KCNT2: variants seen among roughly 807,000 people sequenced by gnomAD.
KCNT2 encodes potassium sodium-activated channel subfamily T member 2, also known as potassium channel subfamily T member 2.
Under a neutral mutation model 153.8 loss-of-function variants are expected in KCNT2, and 67 were observed. The ratio of observed to expected loss-of-function variants is 0.44; its 90% CI spans 0.36 to 0.53. KCNT2 has a LOEUF of 0.53. KCNT2 is among the 20% of genes least tolerant of loss of function. The probability of loss-of-function intolerance (pLI) is 0.00; values close to 1 mark genes in which losing one functional copy is unlikely to be tolerated. For synonymous variants in KCNT2, 500 were observed against 458.8 expected (o/e 1.09, Z -1.15); for missense variants, 975 against 1,354.8 (o/e 0.72, Z 4.40).
At chr1:196,583,794 A>G (rs1215734795) in intron 1 of KCNT2, among the ~76,000 whole-genome samples, 3 of 152,138 alleles carry the variant, frequency 2.0e-5, no homozygotes, top group Admixed American at 6.6e-5. Flanking sequence ...GCCATAGGGC[A>G]GAAGAAAGAA....
chr1:196,293,767 A>T (rs372720460), intron 22 of KCNT2, among the ~76,000 whole-genome samples: 1 of 152,242 alleles, frequency 6.6e-6, no homozygotes. Flanking sequence ...TGCTCTGGGC[A>T]ATAATTTATT....
chr1:196,397,540 AT>A (rs1671047300), intron 13 of KCNT2, among the ~76,000 whole-genome samples: 1 of 151,516 alleles, frequency 6.6e-6, no homozygotes, highest in Non-Finnish European at 1.5e-5. Flanking sequence ...TACTTTAGAA[AT>A]TCTTCCAAAA....
At chr1:196,474,860 C>A (rs77098913) in intron 5 of KCNT2, among the ~76,000 whole-genome samples, 1 of 152,164 alleles carries the variant, frequency 6.6e-6, no homozygotes, top group African/African-American at 2.4e-5. Flanking sequence ...ATGATTTAAG[C>A]ACAGACCTGC....
chr1:196,535,462 T>C (rs1177998618), intron 1 of KCNT2, among the ~76,000 whole-genome samples: 2 of 152,218 alleles, frequency 1.3e-5, no homozygotes, highest in African/African-American at 4.8e-5. Flanking sequence ...AAAATCACTC[T>C]AACAAATATT....
chr1:196,385,769 A>G lies in KCNT2; in HGVS notation c.1295-12521T>C, dbSNP rs1669917478. 2.7e-5 allele frequency among the ~76,000 whole-genome samples: 4 copies of G among 146,748 alleles called. No individual in the cohort carries two copies. The Admixed American group carries it at 2.7e-4, about 10-fold the overall frequency. On this transcript the variant is annotated intron_variant, in intron 13 of 27. Transcript: ENST00000294725. ...TAGTATGGCACCATTTCTGCATTAA[A>G]AAAATATATATATATATATATATTT...
intron 1 of KCNT2, among the ~76,000 whole-genome samples, chr1:196,597,594 A>T (rs1457077848): frequency 2.0e-5 from 3 of 152,148 alleles, no homozygotes; most frequent in African/African-American, 7.2e-5. Flanking sequence ...GCCCCAAGGA[A>T]AGCTGTGTTT....
At chr1:196,233,432 G>T (rs1402166991) in intron 27 of KCNT2, among the ~76,000 whole-genome samples, 1 of 151,240 alleles carries the variant, frequency 6.6e-6, no homozygotes, top group African/African-American at 2.4e-5. Flanking sequence ...TCCTGTTTCT[G>T]CCCTAAAACA....
intron 14 of KCNT2, among the ~76,000 whole-genome samples, chr1:196,354,241 T>G (rs1558186575): frequency 6.6e-6 from 1 of 151,816 alleles, no homozygotes; most frequent in Non-Finnish European, 1.5e-5. Flanking sequence ...GGAGTCTACC[T>G]CTTTCACAGC....
intron 1 of KCNT2, among the ~76,000 whole-genome samples, chr1:196,508,894 A>G (rs1681371047): frequency 6.6e-6 from 1 of 152,222 alleles, no homozygotes; most frequent in Non-Finnish European, 1.5e-5. Flanking sequence ...TTAGATATTT[A>G]TGTATTTACA....
At chr1:196,600,195 T>C (rs1664562626) in intron 1 of KCNT2, among the ~76,000 whole-genome samples, 1 of 152,214 alleles carries the variant, frequency 6.6e-6, no homozygotes, top group Non-Finnish European at 1.5e-5. Flanking sequence ...CGGTGTTTTC[T>C]GGCCTCCATG....
chr1:196,599,496 T>C (rs1284440666), intron 1 of KCNT2, among the ~76,000 whole-genome samples: 2 of 152,142 alleles, frequency 1.3e-5, no homozygotes, highest in East Asian at 1.9e-4. Context: ...ACTGTGAAAA[T>C]TGGAAGTAAT....
chr1:196,231,742 G>A (rs1432472248), intron 27 of KCNT2, among the ~76,000 whole-genome samples: 1 of 151,744 alleles, frequency 6.6e-6, no homozygotes, highest in Non-Finnish European at 1.5e-5. Context: ...ATCATGGTAG[G>A]TAAAGTCAAA....
intron 1 of KCNT2, among the ~76,000 whole-genome samples, chr1:196,522,170 T>G (rs752493785): frequency 7.2e-5 from 11 of 152,236 alleles, no homozygotes; most frequent in Non-Finnish European, 1.6e-4. Context: ...GCTTTCATTT[T>G]CTGCATGCAT....
intron 12 of KCNT2, among the ~76,000 whole-genome samples, chr1:196,417,347 A>C (rs994957810): frequency 6.6e-6 from 1 of 152,006 alleles, no homozygotes; most frequent in African/African-American, 2.4e-5. Flanking sequence ...TTCCTAGACC[A>C]AGACATATTC....
At chr1:196,570,230 T>G (rs1417201421) in intron 1 of KCNT2, among the ~76,000 whole-genome samples, 2 of 152,130 alleles carry the variant, frequency 1.3e-5, no homozygotes, top group Admixed American at 6.5e-5. Flanking sequence ...TGAAATGCAG[T>G]AAGTATGAAA....
At chr1:196,543,755 G>T (rs1233216462) in intron 1 of KCNT2, among the ~76,000 whole-genome samples, 2 of 152,066 alleles carry the variant, frequency 1.3e-5, no homozygotes, top group Non-Finnish European at 2.9e-5. Flanking sequence ...TATATGCTGT[G>T]AGGATATAGA....
At chr1:196,315,435 A>C (rs1394120686) in intron 21 of KCNT2, among the ~76,000 whole-genome samples, 1 of 151,698 alleles carries the variant, frequency 6.6e-6, no homozygotes, top group Admixed American at 6.6e-5. Flanking sequence ...AATTAATAAA[A>C]GACAGGAAAA....
intron 1 of KCNT2, among the ~76,000 whole-genome samples, chr1:196,509,267 GA>G (rs78796952): frequency 0.015 from 1,153 of 77,506 alleles, 3 homozygotes; most frequent in African/African-American, 0.023. Flanking sequence ...GCGAAACTCC[GA>G]AAAAAAAAAA....
chr1:196,414,163 T>C (rs1264434557), intron 12 of KCNT2, among the ~76,000 whole-genome samples: 2 of 151,824 alleles, frequency 1.3e-5, no homozygotes, highest in East Asian at 3.9e-4. Context: ...TGCCTAATAT[T>C]AACAATTCAA....
Sources: gnomAD v4.1 joint callset for allele counts (sites outside exome capture counted in the v4.1 genomes callset) on GRCh38, gnomAD v4.1.1 for gene constraint, MANE v1.5 for transcripts, NCBI Gene and HGNC (gene_info 2026-07-23, HGNC 2026-07-21) for gene names.